Variants in COL27A1 observed in about 807,000 individuals in gnomAD.
The protein encoded by COL27A1 is collagen type XXVII alpha 1 chain.
Under a neutral mutation model 251.3 loss-of-function variants are expected in COL27A1, and 106 were observed. The ratio of observed to expected loss-of-function variants is 0.42; its 90% CI spans 0.36 to 0.50. The LOEUF (loss-of-function observed/expected upper bound fraction) is 0.50, where lower values mean the gene tolerates loss of function less well. COL27A1 is among the 20% of genes least tolerant of loss of function. The pLI, the probability that COL27A1 is intolerant of heterozygous loss-of-function variation, is 0.00. For synonymous variants in COL27A1, 1,000 were observed against 986.3 expected, an observed-to-expected ratio of 1.01 and a Z score of -0.26; for missense variants, 2,325 against 2,522.8, an observed-to-expected ratio of 0.92 and a Z score of 1.68.
intron 7 of COL27A1, among the ~76,000 whole-genome samples, chr9:114,198,282 T>C (rs1191862480): frequency 6.6e-6 from 1 of 152,122 alleles, no homozygotes; most frequent in East Asian, 1.9e-4. Context: ...GCCTGCATCC[T>C]TGTGGGGGTG....
chr9:114,302,006 C>T, intron 55 of COL27A1, 76 bp from the exon 56 acceptor site: 1 of 1,401,020 alleles, frequency 7.1e-7, no homozygotes, highest in Non-Finnish European at 1.0e-6. Flanking sequence ...TGATGGTCTC[C>T]CTGGTCTCCT....
At chr9:114,196,045 A>T in intron 7 of COL27A1, 33 bp downstream of exon 7, 1 of 1,600,470 alleles carries the variant, frequency 6.2e-7, no homozygotes, top group Non-Finnish European at 8.6e-7. Flanking sequence ...TGCCTTGCGC[A>T]GTGGGCCTCC....
At chr9:114,270,366 A>G (rs1367324550) in intron 35 of COL27A1, among the ~76,000 whole-genome samples, 2 of 152,176 alleles carry the variant, frequency 1.3e-5, no homozygotes, top group Non-Finnish European at 2.9e-5. Context: ...CTACTAGGCC[A>G]CTCTGCAGCC....
In COL27A1 at chr9:114,312,191, C is replaced by T. The variant is rs964865397; in HGVS notation, c.*1496C>T. On this transcript the variant is annotated 3_prime_UTR_variant, in exon 61 of 61. Coordinates refer to ENST00000356083, the MANE Select transcript of COL27A1 (RefSeq NM_032888.4). ...GTATTTCTCTCCTAAAGTTGTGTCTCTTTGGGAATTGGATTTGATTTTTAT... is the reference window on the plus strand; with the variant it reads ...GTATTTCTCTCCTAAAGTTGTGTCTTTTTGGGAATTGGATTTGATTTTTAT... 1 of 152,174 alleles carries T rather than the reference C, an allele frequency of 6.6e-6. No homozygotes were observed. Among genetic ancestry groups the T allele is most frequent in the East Asian group, 1.9e-4 (1 of 5,196 alleles). 9.4% of individuals were successfully genotyped at this position (152,174 alleles called of 1,614,324 possible).
intron 4 of COL27A1, among the ~76,000 whole-genome samples, chr9:114,179,853 T>C (rs1436092865): frequency 7.8e-6 from 1 of 127,436 alleles, no homozygotes; most frequent in African/African-American, 3.1e-5. Context: ...TTTTTTTTTT[T>C]TTTTTGCCAG....
Position 114,279,829 on chromosome 9 carries a change from G to A in COL27A1, c.3718-2448G>A, listed in dbSNP as rs974434352. ...GATTGAGCCACTGTGTTCCAGCCTG[G>A]GCAACAGAGAGAGACCTTGTCTCAA... On this transcript the variant is annotated intron_variant, in intron 37 of 60. Transcript: ENST00000356083. Among the ~76,000 whole-genome samples, 7 of 151,994 alleles carry A rather than the reference G, an allele frequency of 4.6e-5. No individual in the cohort carries two copies. The South Asian group carries it at 1.2e-3, about 27-fold the overall frequency.
intron 28 of COL27A1, among the ~76,000 whole-genome samples, chr9:114,261,300 T>TCGAG (rs1554818887): frequency 4.6e-5 from 7 of 151,798 alleles, no homozygotes; most frequent in Non-Finnish European, 1.0e-4. Context: ...GACATCTTCC[T>TCGAG]CGAGGAGCGG....
chr9:114,155,249 C>T (rs2134970902), upstream of COL27A1, among the ~76,000 whole-genome samples: 1 of 152,064 alleles, frequency 6.6e-6, no homozygotes, highest in South Asian at 2.1e-4. This position sits in a 1 kb window ranked among gnomAD's most constrained non-coding sequence, Gnocchi z 5.5. Context: ...CATTGGAGGA[C>T]CCCCAGCCTC....
At chr9:114,184,965 T>C (rs1462575747) in intron 5 of COL27A1, among the ~76,000 whole-genome samples, 1 of 152,100 alleles carries the variant, frequency 6.6e-6, no homozygotes, top group Non-Finnish European at 1.5e-5. Context: ...GCCTGTCTCC[T>C]CCCACCCCCA....
intron 21 of COL27A1, among the ~76,000 whole-genome samples, chr9:114,241,945 G>A (rs1450338048): frequency 6.6e-6 from 1 of 152,154 alleles, no homozygotes; most frequent in Non-Finnish European, 1.5e-5. Context: ...TCATGCCCAG[G>A]GCTTCCATGA....
intron 12 of COL27A1, among the ~76,000 whole-genome samples, chr9:114,217,177 T>C (rs1282315438): frequency 6.6e-6 from 1 of 152,192 alleles, no homozygotes; most frequent in Non-Finnish European, 1.5e-5. Flanking sequence ...AGGCTGCATT[T>C]TGTCTGCAGA....
chr9:114,302,218 T>TGGCCAGCTTGGC, intron 56 of COL27A1, 110 bp downstream of exon 56: 1 of 875,096 alleles, frequency 1.1e-6, no homozygotes. Flanking sequence ...AAGCTGGGTC[T>TGGCCAGCTTGGC]AGGGACGCCC....
At chr9:114,258,130 A>G (rs1311182995) in intron 27 of COL27A1, among the ~76,000 whole-genome samples, 1 of 152,212 alleles carries the variant, frequency 6.6e-6, no homozygotes, top group East Asian at 1.9e-4. Flanking sequence ...CCGGAGCTCA[A>G]GGCTGCACTG....
intron 56 of COL27A1, among the ~76,000 whole-genome samples, chr9:114,303,606 C>G (rs985492145): frequency 6.6e-6 from 1 of 152,126 alleles, no homozygotes; most frequent in Non-Finnish European, 1.5e-5. Flanking sequence ...GTTTTATTAT[C>G]AGGTCCATTT....
At chr9:114,172,197 T>C (rs1432288472) in intron 3 of COL27A1, among the ~76,000 whole-genome samples, 1 of 152,186 alleles carries the variant, frequency 6.6e-6, no homozygotes, top group Non-Finnish European at 1.5e-5. Context: ...ACCAGAATAA[T>C]GTAATGGAAG....
intron 6 of COL27A1, 147 bp from the exon 7 acceptor site, chr9:114,195,812 C>T: frequency 1.5e-6 from 1 of 684,386 alleles, no homozygotes; most frequent in Non-Finnish European, 2.6e-6. Flanking sequence ...CTGGGCAGCC[C>T]CCGAGTCTCC....
intron 41 of COL27A1, among the ~76,000 whole-genome samples, chr9:114,287,449 G>C (rs1320257755): frequency 3.3e-5 from 5 of 152,102 alleles, no homozygotes; most frequent in Admixed American, 2.6e-4. Flanking sequence ...CCTGTGGGTG[G>C]ACCAGGGCCT....
At chr9:114,243,925 A>ATT (rs397894289) in intron 23 of COL27A1, among the ~76,000 whole-genome samples, 12 of 78,716 alleles carry the variant, frequency 1.5e-4, no homozygotes, top group Non-Finnish European at 2.0e-4. Flanking sequence ...TTTTTCTTTC[A>ATT]TTTTTTTTTT....
At chr9:114,214,181 C>G (rs1286717910) in intron 12 of COL27A1, among the ~76,000 whole-genome samples, 1 of 152,146 alleles carries the variant, frequency 6.6e-6, no homozygotes. Context: ...TAGGGCCATC[C>G]CTCTGTTGCT....
Sources: allele counts gnomAD v4.1 joint callset (sites outside exome capture counted in the v4.1 genomes callset), GRCh38; gene constraint gnomAD v4.1.1; non-coding constraint Gnocchi (gnomAD v3.1); transcripts MANE v1.5; gene names NCBI Gene and HGNC (gene_info 2026-07-23, HGNC 2026-07-21).